DCDC1: variants seen among roughly 807,000 people sequenced by gnomAD.
The protein encoded by DCDC1 is doublecortin domain containing 1.
A neutral mutation model predicts 178.3 loss-of-function variants in DCDC1; 200 were observed. That is an observed-to-expected ratio of 1.12 (90% CI 1.00 to 1.26). The LOEUF (loss-of-function observed/expected upper bound fraction) is 1.26. Among genes scored for constraint, DCDC1 ranks in the 50% most tolerant of loss-of-function variants. DCDC1 has a pLI of 0.00. For missense variants in DCDC1, 1,983 were observed against 1,749.2 expected, an observed-to-expected ratio of 1.13 and a Z score of -2.38; for synonymous variants, 690 against 604.8, an observed-to-expected ratio of 1.14 and a Z score of -2.07.
At chr11:31,364,849 A>G (rs1429033042) in intron 1 of DCDC1, among the ~76,000 whole-genome samples, 1 of 152,110 alleles carries the variant, frequency 6.6e-6, no homozygotes, top group African/African-American at 2.4e-5. Flanking sequence ...AAAAAAAAAA[A>G]AAGAAGAAAG....
chr11:31,067,786 C>T (rs972664905), intron 18 of DCDC1, among the ~76,000 whole-genome samples: 20 of 152,032 alleles, frequency 1.3e-4, no homozygotes, highest in Non-Finnish European at 2.6e-4. Flanking sequence ...AAAAATCAAT[C>T]ACAGTAGGCC....
chr11:31,265,235 T>C (rs1945070958), intron 8 of DCDC1, among the ~76,000 whole-genome samples: 1 of 152,128 alleles, frequency 6.6e-6, no homozygotes. Context: ...GCTGTTACGT[T>C]ATAAAAATGT....
intron 20 of DCDC1, among the ~76,000 whole-genome samples, chr11:31,037,632 T>C (rs1954148826): frequency 6.6e-6 from 1 of 151,878 alleles, no homozygotes. Flanking sequence ...CCGGATAATT[T>C]TTCGTATTTT....
chr11:30,915,618 T>C lies in DCDC1; in HGVS notation c.3546A>G (p.Leu1182=). The C allele has an allele frequency of 6.2e-7, 1 of 1,613,990 alleles. No homozygotes were observed. The highest frequency in any genetic ancestry group is 8.5e-7 in the Non-Finnish European group (1 of 1,179,862). Residue 1182 remains leucine, a synonymous_variant, in exon 27 of 39, where the codon CTA becomes CTG. Transcript: ENST00000684477. ...GATTGGGACCTTGAACCCCCAAGAC[T>C]AGCTGAGGAGCAGCATGGCTTATAA... ...GQIISHAAPQ[L]VLGVQGPNLR... is the part of the protein sequence containing the mutation.
intron 20 of DCDC1, among the ~76,000 whole-genome samples, chr11:30,970,021 C>T (rs536229123): frequency 1.3e-5 from 2 of 152,138 alleles, no homozygotes; most frequent in South Asian, 2.1e-4. Context: ...AGAGAAGTAA[C>T]AGAAAACACC....
intron 9 of DCDC1, among the ~76,000 whole-genome samples, chr11:31,182,189 A>T (rs1307340267): frequency 6.6e-6 from 1 of 152,168 alleles, no homozygotes; most frequent in African/African-American, 2.4e-5. Context: ...ATCCAGGAAA[A>T]CTTCCCCAAC....
intron 6 of DCDC1, among the ~76,000 whole-genome samples, chr11:31,295,186 A>T (rs565175480): frequency 3.9e-5 from 6 of 152,360 alleles, no homozygotes; most frequent in Admixed American, 2.0e-4. Flanking sequence ...TGCCTAATAC[A>T]ATGTGAATGC....
chr11:31,017,128 A>G (rs937071009), intron 20 of DCDC1, among the ~76,000 whole-genome samples: 3 of 152,204 alleles, frequency 2.0e-5, no homozygotes, highest in Non-Finnish European at 4.4e-5. Flanking sequence ...ACAAAACAGG[A>G]GAAGTAAAAA....
intron 6 of DCDC1, among the ~76,000 whole-genome samples, chr11:31,302,222 C>T (rs1009147894): frequency 2.0e-5 from 3 of 152,112 alleles, no homozygotes; most frequent in Non-Finnish European, 4.4e-5. Context: ...GGGCACGAAC[C>T]ATTTATTATG....
At chr11:31,126,084 CT>C (rs1272258988) in intron 11 of DCDC1, among the ~76,000 whole-genome samples, 10 of 151,998 alleles carry the variant, frequency 6.6e-5, no homozygotes, top group African/African-American at 2.4e-4. Flanking sequence ...AAACAAAACA[CT>C]TTTTTTCCCC....
intron 36 of DCDC1, among the ~76,000 whole-genome samples, chr11:30,883,845 G>A (rs1347179620): frequency 1.3e-5 from 2 of 151,854 alleles, no homozygotes; most frequent in African/African-American, 4.8e-5. Flanking sequence ...TCTTGACTAA[G>A]GGAAAGTCAT....
At chr11:30,880,568 C>T (rs770715990) in intron 37 of DCDC1, among the ~76,000 whole-genome samples, 11 of 152,054 alleles carry the variant, frequency 7.2e-5, no homozygotes, top group African/African-American at 9.7e-5. Context: ...CAGTGTTCTT[C>T]GGAATCTCCT....
intron 7 of DCDC1, among the ~76,000 whole-genome samples, chr11:31,285,708 T>C (rs1439524812): frequency 6.6e-6 from 1 of 152,154 alleles, no homozygotes; most frequent in Non-Finnish European, 1.5e-5. Context: ...TAAAGTCTAT[T>C]GCTTTTTTAT....
rs1220957986 is a variant in DCDC1 at position 31,106,931 on chromosome 11, T to C, written c.1617A>G (p.Gln539=). ...GGCCTGGTGGGTTGATGGAAGAACCTTGAAGCCTTTGATGAATCTTGAGAA... is the reference window on the plus strand; with the variant it reads ...GGCCTGGTGGGTTGATGGAAGAACCCTGAAGCCTTTGATGAATCTTGAGAA... ...RLLLKIHQRL[Q]GSSINPPGLN... Residue 539 remains glutamine (Q), a synonymous_variant, in exon 13 of 39, where the codon CAA becomes CAG. Coordinates refer to ENST00000684477, the MANE Select transcript of DCDC1 (RefSeq NM_001387274.1). The C allele has an allele frequency of 1.7e-5, 13 of 765,854 alleles. No individual in the cohort carries two copies. Among genetic ancestry groups the C allele is most frequent in the Non-Finnish European group, 3.1e-5 (13 of 417,726 alleles). The allele number at this position is 765,854 out of a possible 1,614,324, so 47.4% of individuals were successfully genotyped here.
intron 20 of DCDC1, among the ~76,000 whole-genome samples, chr11:31,008,147 G>A (rs1951963610): frequency 6.6e-6 from 1 of 152,206 alleles, no homozygotes; most frequent in Admixed American, 6.5e-5. Context: ...AGAGAAAGAA[G>A]TACAAAGAAA....
chr11:31,360,282 A>G (rs936352195), intron 1 of DCDC1, among the ~76,000 whole-genome samples: 1 of 152,188 alleles, frequency 6.6e-6, no homozygotes, highest in Non-Finnish European at 1.5e-5. Context: ...GTTCTCTGTC[A>G]TAGGAAAAAA....
chr11:31,214,194 T>A (rs905772489), intron 9 of DCDC1, among the ~76,000 whole-genome samples: 3 of 152,200 alleles, frequency 2.0e-5, no homozygotes, highest in African/African-American at 7.2e-5. Flanking sequence ...GCAAACAATA[T>A]GTCTCCATAA....
At chr11:30,879,145 G>T (rs534555917) in intron 37 of DCDC1, among the ~76,000 whole-genome samples, 6 of 152,114 alleles carry the variant, frequency 3.9e-5, no homozygotes, top group South Asian at 2.1e-4. Flanking sequence ...TAAAAAACCC[G>T]AAGTGATTCT....
At chr11:31,346,980 A>G (rs1950850497) in intron 1 of DCDC1, among the ~76,000 whole-genome samples, 1 of 152,210 alleles carries the variant, frequency 6.6e-6, no homozygotes, top group African/African-American at 2.4e-5. Flanking sequence ...GAAATCACAT[A>G]TTTTCCAACT....
Sources: gnomAD v4.1 joint callset for allele counts (sites outside exome capture counted in the v4.1 genomes callset) on GRCh38, gnomAD v4.1.1 for gene constraint, MANE v1.5 for transcripts, NCBI Gene and HGNC (gene_info 2026-07-23, HGNC 2026-07-21) for gene names.